THSD7B: variants seen among roughly 807,000 people sequenced by gnomAD.
THSD7B encodes the protein thrombospondin type 1 domain containing 7B, also known as thrombospondin type-1 domain-containing protein 7B.
In THSD7B, 138 loss-of-function variants were observed where a neutral mutation model predicts 213.6. The ratio of observed to expected loss-of-function variants is 0.65; its 90% CI spans 0.56 to 0.74. The LOEUF is 0.74. Ranked by LOEUF, THSD7B falls within the 30% of genes least tolerant of loss-of-function variation. The probability of loss-of-function intolerance (pLI) is 0.00; values close to 1 mark genes in which losing one functional copy is unlikely to be tolerated. For synonymous variants in THSD7B, 742 were observed against 687.0 expected, an observed-to-expected ratio of 1.08 and a Z score of -1.25; for missense variants, 1,931 against 1,991.5, an observed-to-expected ratio of 0.97 and a Z score of 0.58.
At chr2:136,886,679 C>T (rs955382857) in intron 2 of THSD7B, among the ~76,000 whole-genome samples, 7 of 152,080 alleles carry the variant, frequency 4.6e-5, no homozygotes, top group African/African-American at 9.7e-5. Flanking sequence ...GTTGAGAAAC[C>T]CTGAGTTAAG....
chr2:137,118,998 AC>A (rs1193958041), intron 5 of THSD7B, among the ~76,000 whole-genome samples: 1 of 151,804 alleles, frequency 6.6e-6, no homozygotes, highest in African/African-American at 2.4e-5. Flanking sequence ...TGGGGCAAAC[AC>A]CCCCATGATT....
intron 1 of THSD7B, among the ~76,000 whole-genome samples, chr2:136,781,597 C>G (rs891802212): frequency 6.6e-6 from 1 of 151,988 alleles, no homozygotes; most frequent in Non-Finnish European, 1.5e-5. Flanking sequence ...CTATTGGATA[C>G]TTGTCTATAT....
intron 6 of THSD7B, among the ~76,000 whole-genome samples, chr2:137,168,625 A>G (rs1486761571): frequency 6.6e-6 from 1 of 152,196 alleles, no homozygotes; most frequent in African/African-American, 2.4e-5. Context: ...ATGCCCCTCA[A>G]TGGCATTAAG....
chr2:137,076,312 G>A (rs1418639290), intron 3 of THSD7B, among the ~76,000 whole-genome samples: 2 of 152,288 alleles, frequency 1.3e-5, no homozygotes, highest in Admixed American at 6.5e-5. Flanking sequence ...CCCCAGCCTC[G>A]CTGCCGCCTT....
chr2:137,039,570 T>A (rs1325488938), intron 2 of THSD7B, among the ~76,000 whole-genome samples: 1 of 152,198 alleles, frequency 6.6e-6, no homozygotes, highest in African/African-American at 2.4e-5. Flanking sequence ...AAAAGCCTGG[T>A]AACAGACAAT....
intron 2 of THSD7B, among the ~76,000 whole-genome samples, chr2:136,899,291 TTCA>T (rs1361759570): frequency 1.3e-5 from 2 of 152,344 alleles, no homozygotes; most frequent in African/African-American, 4.8e-5. Flanking sequence ...TTTTTTCATT[TTCA>T]TATTTATTTG....
chr2:137,023,646 C>A (rs1056800656), intron 2 of THSD7B, among the ~76,000 whole-genome samples: 9 of 152,120 alleles, frequency 5.9e-5, no homozygotes, highest in African/African-American at 1.9e-4. Flanking sequence ...ACTATTAAAT[C>A]CCTCAGGGAA....
chr2:137,171,034 A>C (rs753013569), intron 7 of THSD7B, 96 bp downstream of exon 7: 6 of 1,284,082 alleles, frequency 4.7e-6, no homozygotes, highest in Non-Finnish European at 6.5e-6. Flanking sequence ...TGAGGAAGAG[A>C]AGCACAGCCT....
chr2:136,970,827 T>C (rs1179912466), intron 2 of THSD7B, among the ~76,000 whole-genome samples: 1 of 152,194 alleles, frequency 6.6e-6, no homozygotes, highest in African/African-American at 2.4e-5. Context: ...ATGCACCTTA[T>C]TTACAAAGCA....
At position 137,025,195 on chromosome 2, in the gene THSD7B, C is replaced by G. The variant is rs1021013757; in HGVS notation, c.140-31225C>G. On this transcript the variant is annotated intron_variant, in intron 2 of 27. Coordinates refer to ENST00000409968, the MANE Select transcript of THSD7B (RefSeq NM_001316349.2). ...TGCCTCTCTCTTTTTTCTCACTATG[C>G]CTCCCTTCACACTGGCCTTTTTGCT... is the stretch of plus-strand genomic sequence containing the variant. Among the ~76,000 whole-genome samples, 5 of 152,230 alleles carry G rather than the reference C, an allele frequency of 3.3e-5. No individual in the cohort carries two copies. In the East Asian group the frequency reaches 7.7e-4, roughly 24 times the overall value.
At chr2:137,401,599 G>A (rs1686362898) in intron 12 of THSD7B, among the ~76,000 whole-genome samples, 1 of 150,132 alleles carries the variant, frequency 6.7e-6, no homozygotes, top group Non-Finnish European at 1.5e-5. Context: ...ACTGATGATT[G>A]CATGATCTGT....
At chr2:137,084,186 G>C (rs1363204042) in intron 3 of THSD7B, among the ~76,000 whole-genome samples, 7 of 152,038 alleles carry the variant, frequency 4.6e-5, no homozygotes, top group African/African-American at 1.7e-4. Context: ...TAACTTTTTA[G>C]ATTTCTGGTT....
At chr2:137,012,542 C>T (rs1686250773) in intron 2 of THSD7B, among the ~76,000 whole-genome samples, 1 of 152,212 alleles carries the variant, frequency 6.6e-6, no homozygotes, top group Admixed American at 6.5e-5. Context: ...GAAGAGTACA[C>T]ATTCAATTCT....
intron 2 of THSD7B, among the ~76,000 whole-genome samples, chr2:136,996,443 G>A (rs774213220): frequency 6.6e-6 from 1 of 151,742 alleles, no homozygotes; most frequent in Non-Finnish European, 1.5e-5. Flanking sequence ...CCAGGCTCAG[G>A]CAATCCTCCC....
intron 9 of THSD7B, among the ~76,000 whole-genome samples, chr2:137,240,106 A>G (rs1348943018): frequency 1.3e-5 from 2 of 152,198 alleles, no homozygotes. Context: ...TGGGAGGGAC[A>G]CAAACATTTT....
chr2:137,562,630 G>A (rs560119737), intron 15 of THSD7B, among the ~76,000 whole-genome samples: 1 of 148,380 alleles, frequency 6.7e-6, no homozygotes, highest in Non-Finnish European at 1.5e-5. Context: ...GTGTGTGTGT[G>A]TATCTGTTTT....
chr2:136,788,466 T>C (rs1681908601), intron 1 of THSD7B, among the ~76,000 whole-genome samples: 1 of 152,222 alleles, frequency 6.6e-6, no homozygotes, highest in Non-Finnish European at 1.5e-5. Flanking sequence ...TTTATAGTCA[T>C]GCAAATTAAT....
At chr2:137,391,065 A>C (rs543618108) in intron 12 of THSD7B, among the ~76,000 whole-genome samples, 17 of 152,026 alleles carry the variant, frequency 1.1e-4, no homozygotes, top group Non-Finnish European at 2.1e-4. Flanking sequence ...GGTGAAACTC[A>C]TCTGTGAATC....
rs142589352 is a variant in THSD7B, at chr2:137,108,469, T to C, written c.1200-6655T>C. 2.3e-3 allele frequency among the ~76,000 whole-genome samples: 353 copies of C among 152,308 alleles called. 3 individuals are homozygous for C. Among genetic ancestry groups the C allele is most frequent in the African/African-American group, 7.7e-3 (321 of 41,564 alleles). ...CTTTTGTCCCCCTTTCCTCCCTCAA[T>C]TTAGAAAATATTTTAATTATGTGAT... is the stretch of plus-strand genomic sequence containing the variant. On this transcript the variant is annotated intron_variant, in intron 4 of 27. Transcript: ENST00000409968.
Sources: gnomAD v4.1 joint callset for allele counts (sites outside exome capture counted in the v4.1 genomes callset) on GRCh38, gnomAD v4.1.1 for gene constraint, MANE v1.5 for transcripts, NCBI Gene and HGNC (gene_info 2026-07-23, HGNC 2026-07-21) for gene names.